Variants in CDK17 observed in about 807,000 individuals in gnomAD.
CDK17 encodes the protein cyclin dependent kinase 17, also known as cyclin-dependent kinase 17.
Under a neutral mutation model 77.6 loss-of-function variants are expected in CDK17, and 24 were observed. That is an observed-to-expected ratio of 0.31 (90% CI 0.22 to 0.44). The LOEUF (loss-of-function observed/expected upper bound fraction) is 0.44, where lower values mean the gene tolerates loss of function less well. Ranked by LOEUF, CDK17 falls within the 20% of genes least tolerant of loss-of-function variation. The probability of loss-of-function intolerance (pLI) is 1.00; values close to 1 mark genes in which losing one functional copy is unlikely to be tolerated. For missense variants in CDK17, 429 were observed against 622.5 expected (o/e 0.69, Z 3.31); for synonymous variants, 203 against 210.4 (o/e 0.96, Z 0.30).
At chr12:96,369,668 C>T (rs1249528406) in intron 1 of CDK17, among the ~76,000 whole-genome samples, 1 of 152,170 alleles carries the variant, frequency 6.6e-6, no homozygotes, top group Non-Finnish European at 1.5e-5. Flanking sequence ...GTCCTAGCTA[C>T]ACTTGGTGGC....
At chr12:96,342,265 A>G (rs1218431470) in intron 1 of CDK17, among the ~76,000 whole-genome samples, 1 of 152,248 alleles carries the variant, frequency 6.6e-6, no homozygotes, top group African/African-American at 2.4e-5. Flanking sequence ...TTTTCCCCAC[A>G]ATAATTAAGC....
chr12:96,339,152 T>C (rs1953087883), intron 1 of CDK17, among the ~76,000 whole-genome samples: 1 of 152,208 alleles, frequency 6.6e-6, no homozygotes, highest in Non-Finnish European at 1.5e-5. Context: ...TAACAAAGTA[T>C]TATAGAAATG....
At chr12:96,316,788 A>G (rs1477478060) in intron 3 of CDK17, among the ~76,000 whole-genome samples, 1 of 133,846 alleles carries the variant, frequency 7.5e-6, no homozygotes, top group Non-Finnish European at 1.6e-5. Flanking sequence ...AAGGACATCC[A>G]CACCGAAAAC....
intron 7 of CDK17, among the ~76,000 whole-genome samples, chr12:96,298,143 C>T (rs952257822): frequency 5.3e-5 from 8 of 152,022 alleles, no homozygotes; most frequent in South Asian, 2.1e-4. Context: ...AAAAGTTAGC[C>T]GGGCGTGATG....
At chr12:96,311,796 T>G (rs187839282) in intron 4 of CDK17, among the ~76,000 whole-genome samples, 120 of 151,926 alleles carry the variant, frequency 7.9e-4, no homozygotes, top group African/African-American at 2.7e-3. Flanking sequence ...TATAAAAACA[T>G]ACAATGCCAC....
intron 2 of CDK17, among the ~76,000 whole-genome samples, chr12:96,324,384 A>G (rs139411101): frequency 1.3e-5 from 2 of 152,206 alleles, no homozygotes; most frequent in African/African-American, 4.8e-5. Context: ...AATATACCCA[A>G]CCAAATTTTC....
At chr12:96,389,824 G>C (rs970165618) in intron 1 of CDK17, among the ~76,000 whole-genome samples, 3 of 108,796 alleles carry the variant, frequency 2.8e-5, no homozygotes, top group Non-Finnish European at 5.2e-5. Context: ...TTTTTTGTTT[G>C]TTTGTTTTTT....
chr12:96,354,816 T>C (rs1592749349), intron 1 of CDK17, among the ~76,000 whole-genome samples: 2 of 151,992 alleles, frequency 1.3e-5, no homozygotes, highest in East Asian at 3.9e-4. Context: ...CCCAGAAGTT[T>C]GAGACTGCAA....
chr12:96,386,160 T>G (rs1953970524), intron 1 of CDK17, among the ~76,000 whole-genome samples: 1 of 152,110 alleles, frequency 6.6e-6, no homozygotes, highest in African/African-American at 2.4e-5. Flanking sequence ...GCTGGCCAAT[T>G]TTTTAAAACA....
chr12:96,351,369 T>C (rs1357149751), intron 1 of CDK17, among the ~76,000 whole-genome samples: 14 of 148,898 alleles, frequency 9.4e-5, no homozygotes, highest in Admixed American at 9.4e-4. Context: ...TGTACACCAA[T>C]GTTAATGGCA....
chr12:96,362,138 T>C (rs558143067), intron 1 of CDK17, among the ~76,000 whole-genome samples: 46 of 152,334 alleles, frequency 3.0e-4, no homozygotes, highest in African/African-American at 1.0e-3. Context: ...TATGACTTCA[T>C]GTGTCCTTTC....
intron 1 of CDK17, among the ~76,000 whole-genome samples, chr12:96,357,369 GGA>G (rs1173334854): frequency 6.6e-6 from 1 of 152,180 alleles, no homozygotes; most frequent in Non-Finnish European, 1.5e-5. Flanking sequence ...AGCTGAGGCA[GGA>G]GAATCGCTTG....
intron 1 of CDK17, among the ~76,000 whole-genome samples, chr12:96,337,408 T>C (rs1953057383): frequency 6.6e-6 from 1 of 152,134 alleles, no homozygotes; most frequent in Non-Finnish European, 1.5e-5. Flanking sequence ...ACTCTTCAAG[T>C]GTTGATTCAC....
chr12:96,358,984 T>C (rs1953452745), intron 1 of CDK17, among the ~76,000 whole-genome samples: 1 of 151,958 alleles, frequency 6.6e-6, no homozygotes, highest in Admixed American at 6.6e-5. Context: ...ATGGCTTTTT[T>C]TTTTTTTTCC....
chr12:96,311,309 A>G (rs1952643229), intron 4 of CDK17, 132 bp from the exon 5 acceptor site: 2 of 657,154 alleles, frequency 3.0e-6, no homozygotes, highest in Non-Finnish European at 4.7e-6. Flanking sequence ...AGTTACCTAC[A>G]TTGATTATAT....
chr12:96,296,209 A>G lies in CDK17; in HGVS notation c.873+1061T>C, dbSNP rs370471502. 1.1e-4 allele frequency among the ~76,000 whole-genome samples: 16 copies of G among 152,364 alleles called. No individual in the cohort carries two copies. The East Asian group carries it at 3.1e-3, about 29-fold the overall frequency. On this transcript the variant is annotated intron_variant, in intron 9 of 16. Coordinates refer to ENST00000261211, the MANE Select transcript of CDK17 (RefSeq NM_002595.5). ...GCATTAAAGAAATAAACGTCTCAACATTTGTGAAATTATCATCAAGGACCT... is the reference window on the plus strand; with the variant it reads ...GCATTAAAGAAATAAACGTCTCAACGTTTGTGAAATTATCATCAAGGACCT...
At chr12:96,293,793 A>T (rs1346617603) in intron 10 of CDK17, among the ~76,000 whole-genome samples, 1 of 152,208 alleles carries the variant, frequency 6.6e-6, no homozygotes, top group Non-Finnish European at 1.5e-5. Flanking sequence ...CATATTGAAA[A>T]ATCGTGTTTG....
intron 11 of CDK17, among the ~76,000 whole-genome samples, chr12:96,288,628 G>T (rs1482570570): frequency 6.6e-6 from 1 of 152,184 alleles, no homozygotes; most frequent in Non-Finnish European, 1.5e-5. Context: ...GGAATTAATT[G>T]TACCTTATTC....
chr12:96,342,532 A>T (rs1386023172), intron 1 of CDK17, among the ~76,000 whole-genome samples: 1 of 152,144 alleles, frequency 6.6e-6, no homozygotes, highest in Non-Finnish European at 1.5e-5. Flanking sequence ...ACTGCACTCC[A>T]GCCCAGGTGA....
Sources: gnomAD v4.1 joint callset for allele counts (sites outside exome capture counted in the v4.1 genomes callset) on GRCh38, gnomAD v4.1.1 for gene constraint, MANE v1.5 for transcripts, NCBI Gene and HGNC (gene_info 2026-07-23, HGNC 2026-07-21) for gene names.